Variants in SAP130 observed in about 807,000 individuals in gnomAD.
The protein encoded by SAP130 is histone deacetylase complex subunit SAP130.
In SAP130, 16 loss-of-function variants were observed where a neutral mutation model predicts 103.2. The ratio of observed to expected loss-of-function variants is 0.16; its 90% confidence interval spans 0.10 to 0.24. The LOEUF (loss-of-function observed/expected upper bound fraction) is 0.24. SAP130 is among the 10% of genes least tolerant of loss of function. The pLI is 1.00. For synonymous variants in SAP130, 477 were observed against 497.0 expected (o/e 0.96, Z 0.53); for missense variants, 990 against 1,359.7 (o/e 0.73, Z 4.28).
chr2:127,963,669 T>C (rs911203193), intron 15 of SAP130, among the ~76,000 whole-genome samples: 1 of 152,184 alleles, frequency 6.6e-6, no homozygotes, highest in Non-Finnish European at 1.5e-5. Flanking sequence ...AGGGACCCTG[T>C]GGGAGATGAC....
chr2:128,022,265 T>C (rs1685211442), intron 2 of SAP130, among the ~76,000 whole-genome samples: 1 of 152,240 alleles, frequency 6.6e-6, no homozygotes, highest in African/African-American at 2.4e-5. Flanking sequence ...GGGTTATCCA[T>C]AATGTTGTGT....
At chr2:127,950,793 G>C (rs1484031000) in intron 16 of SAP130, among the ~76,000 whole-genome samples, 1 of 152,160 alleles carries the variant, frequency 6.6e-6, no homozygotes, top group Non-Finnish European at 1.5e-5. Flanking sequence ...CTGTGATCCT[G>C]GAACTCAGAC....
rs146417142 is a variant in SAP130, at chr2:127,989,835, T to A, written c.1509A>T (p.Thr503=). Residue 503 remains threonine, a synonymous_variant, in exon 13 of 21, where the codon ACA becomes ACT. Transcript: ENST00000643581. This position sits in a 1 kb window ranked among gnomAD's most constrained non-coding sequence, Gnocchi z 4.6. ...VSAQAPNSAI[T]AQTGVGVAST... The stretch of plus-strand genomic sequence containing the variant: ...ACGCTACCCCAACACCAGTCTGAGC[T>A]GTGATGGCAGAGTTTGGAGCCTGAG... 1.9e-6 allele frequency: 3 copies of A among 1,613,974 alleles called. No individual in the cohort carries two copies. Among genetic ancestry groups the A allele is most frequent in the African/African-American group, 2.7e-5 (2 of 74,942 alleles).
chr2:127,941,823 CTA>C lies in SAP130; in HGVS notation c.*181_*182del. ...CACCCGAACGCAAGAAGGCAGCTCACTATGTCCAGTCAGCTCTGATCCTTTCA... is the reference window on the plus strand; with the variant it reads ...CACCCGAACGCAAGAAGGCAGCTCACTGTCCAGTCAGCTCTGATCCTTTCA... On this transcript the variant is annotated 3_prime_UTR_variant, in exon 21 of 21. Transcript: ENST00000643581. The C allele has an allele frequency of 1.7e-6, 1 of 597,512 alleles. No individual in the cohort carries two copies. The highest frequency in any genetic ancestry group is 2.9e-6 in the Non-Finnish European group (1 of 346,836). 37.0% of individuals were successfully genotyped at this position (597,512 alleles called of 1,614,324 possible). A position where few individuals can be genotyped will look rare whatever the true frequency, so the allele number is the denominator to read the frequency against.
intron 15 of SAP130, among the ~76,000 whole-genome samples, chr2:127,956,703 A>C (rs1482856730): frequency 6.6e-4 from 1 of 1,522 alleles, no homozygotes; most frequent in Non-Finnish European, 0.011. Context: ...AAAGTATAAT[A>C]AAAAAAAAAA....
In SAP130 at chr2:127,993,328, T is replaced by C. The variant is rs772819148; in HGVS notation, c.1356-20A>G. On this transcript the variant is annotated intron_variant, in intron 11 of 20. Transcript: ENST00000643581. Reference sequence around the variant, plus strand: ...GACGGTCTAGAGACAGAACAGATGATAGCAAACAAAATAGTCATTTTCTTC... The same window carrying C: ...GACGGTCTAGAGACAGAACAGATGACAGCAAACAAAATAGTCATTTTCTTC... The C allele has an allele frequency of 2.2e-5, 35 of 1,586,670 alleles. No individual in the cohort carries two copies. The highest frequency in any genetic ancestry group is 2.7e-5 in the African/African-American group (2 of 73,538).
chr2:128,017,923 A>G lies in SAP130; in HGVS notation c.113-8T>C. 1 of 1,607,434 alleles carries G rather than the reference A, an allele frequency of 6.2e-7. No individual in the cohort carries two copies. The highest frequency in any genetic ancestry group is 8.5e-7 in the Non-Finnish European group (1 of 1,174,266). On this transcript the variant is annotated splice_polypyrimidine_tract_variant and splice_region_variant and intron_variant, in intron 2 of 20. Coordinates refer to ENST00000643581, the MANE Select transcript of SAP130 (RefSeq NM_001330301.2). ...GACCAGATTCATCATTGACTAGTAA[A>G]GACATTAAGAGTGAGACAGTATGTC...
chr2:127,942,683 A>G lies in SAP130; in HGVS notation c.2902-146T>C. ...CGTCCTTTCTCCTAAGGACTAAGAT[A>G]CTAAGGTTTAAAAACAGTAAAGGGG... On this transcript the variant is annotated intron_variant, in intron 19 of 20. Coordinates refer to ENST00000643581, the MANE Select transcript of SAP130 (RefSeq NM_001330301.2). This position sits in a 1 kb window ranked among gnomAD's most constrained non-coding sequence, Gnocchi z 4.8. 1.6e-6 allele frequency: 1 copy of G among 613,748 alleles called. No individual in the cohort carries two copies. The highest frequency in any genetic ancestry group is 4.4e-4 in the Middle Eastern group (1 of 2,280). The allele number at this position is 613,748 out of a possible 1,614,324, so 38.0% of individuals were successfully genotyped here.
In SAP130 at chr2:127,986,954, A is replaced by C; in HGVS notation, c.1789T>G (p.Leu597Val). 6.2e-7 allele frequency: 1 copy of C among 1,612,496 alleles called. No individual in the cohort carries two copies. Among genetic ancestry groups the C allele is most frequent in the Non-Finnish European group, 8.5e-7 (1 of 1,178,648 alleles). The stretch of plus-strand genomic sequence containing the variant: ...GCCACAATTGTGGCTCCATCTGCCA[A>C]CACCACTGCTACAGGAGAGAGGCAA... Reference protein sequence around the residue: ...QPEGKTSAVVLADGATIVANP... With the variant: ...QPEGKTSAVVVADGATIVANP... Residue 597 changes from leucine to valine, a missense_variant, in exon 14 of 21, where the codon TTG becomes GTG. Around this residue, in one of 6 missense-constraint regions of SAP130, gnomAD observed 349 missense variants for 384.1 expected, o/e 0.91. Coordinates refer to ENST00000643581, the MANE Select transcript of SAP130 (RefSeq NM_001330301.2). This position sits in a 1 kb window ranked among gnomAD's most constrained non-coding sequence, Gnocchi z 4.7.
In SAP130 at chr2:127,999,820, G is replaced by T. The variant is rs747951552; in HGVS notation, c.1134C>A (p.Pro378=). Residue 378 remains proline, a synonymous_variant, in exon 10 of 21, where the codon CCC becomes CCA. Transcript: ENST00000643581. The part of the protein sequence containing the change: ...TAGSVSHTQA[P]TSTIVTMTVP... ...CTGTCATGGTAACAATGGTACTTGT[G>T]GGAGCTTGCGTGTGTGACACAGATC... 1 of 1,535,796 alleles carries T rather than the reference G, an allele frequency of 6.5e-7. No homozygotes were observed. The highest frequency in any genetic ancestry group is 8.7e-7 in the Non-Finnish European group (1 of 1,144,806).
In SAP130 at chr2:128,013,108, G is replaced by A. The variant is rs969754439; in HGVS notation, c.666C>T (p.Val222=). The A allele has an allele frequency of 3.1e-6, 5 of 1,613,132 alleles. No homozygotes were observed. Among genetic ancestry groups the A allele is most frequent in the Middle Eastern group, 3.3e-4 (2 of 6,052 alleles). Reference sequence around the variant, plus strand: ...TTGGCAGCTGTGAGGTCGGCCTCAGGACTGTGGTTACTTTAGAACTGGACA... The same window carrying A: ...TTGGCAGCTGTGAGGTCGGCCTCAGAACTGTGGTTACTTTAGAACTGGACA... ...AVMSSSKVTT[V]LRPTSQLPNA... is the part of the protein sequence containing the mutation. Residue 222 remains valine, a synonymous_variant, in exon 6 of 21, where the codon GTC becomes GTT. Transcript: ENST00000643581.
chr2:127,957,909 G>A (rs926400809), intron 15 of SAP130, among the ~76,000 whole-genome samples: 2 of 152,066 alleles, frequency 1.3e-5, no homozygotes, highest in African/African-American at 4.8e-5. Flanking sequence ...CCCAAAAAAA[G>A]GAGGAGATGG....
At chr2:127,948,325 T>G (rs1679255825) in intron 18 of SAP130, among the ~76,000 whole-genome samples, 2 of 148,456 alleles carry the variant, frequency 1.3e-5, no homozygotes, top group Non-Finnish European at 3.0e-5. Context: ...TTCTTTCCTG[T>G]GAGTTTTTTT....
chr2:128,003,409 A>T (rs1465840050), intron 7 of SAP130, among the ~76,000 whole-genome samples: 1 of 147,742 alleles, frequency 6.8e-6, no homozygotes, highest in Non-Finnish European at 1.5e-5. Context: ...CAGGAGGCTG[A>T]GGTGGGAGGA....
At chr2:127,964,157 T>C (rs1680467180) in intron 15 of SAP130, among the ~76,000 whole-genome samples, 1 of 152,176 alleles carries the variant, frequency 6.6e-6, no homozygotes, top group Non-Finnish European at 1.5e-5. Flanking sequence ...TCACACCCAT[T>C]GCACTCCAGC....
At chr2:127,966,459 C>G (rs1297356799) in intron 15 of SAP130, among the ~76,000 whole-genome samples, 1 of 150,616 alleles carries the variant, frequency 6.6e-6, no homozygotes, top group African/African-American at 2.4e-5. Context: ...TCCTAGCACT[C>G]TGGGAGGCCG....
intron 2 of SAP130, among the ~76,000 whole-genome samples, chr2:128,020,039 T>C (rs984494301): frequency 2.6e-5 from 4 of 152,356 alleles, no homozygotes; most frequent in Middle Eastern, 3.4e-3. Flanking sequence ...ATTTAAATTA[T>C]TTGGAGTACC....
At chr2:128,003,233 G>C (rs572405399) in intron 7 of SAP130, among the ~76,000 whole-genome samples, 6 of 151,610 alleles carry the variant, frequency 4.0e-5, no homozygotes, top group Non-Finnish European at 8.8e-5. Context: ...GAGGCTGGGC[G>C]CAGTGGCTCA....
intron 6 of SAP130, among the ~76,000 whole-genome samples, chr2:128,012,123 T>C (rs1018342258): frequency 2.0e-5 from 3 of 152,180 alleles, no homozygotes; most frequent in African/African-American, 7.2e-5. Context: ...CCTAATCTCA[T>C]CTTTCAACAG....
Sources: gnomAD v4.1 joint callset for allele counts (sites outside exome capture counted in the v4.1 genomes callset) on GRCh38, gnomAD v4.1.1 for gene constraint, gnomAD v4.1.1 regional missense constraint, Gnocchi (gnomAD v3.1) non-coding constraint, MANE v1.5 for transcripts, NCBI Gene and HGNC (gene_info 2026-07-23, HGNC 2026-07-21) for gene names.